SORBS2: variants seen among roughly 807,000 people sequenced by gnomAD.
SORBS2 encodes sorbin and SH3 domain-containing protein 2.
Under a neutral mutation model 97.7 loss-of-function variants are expected in SORBS2, and 46 were observed. That is an observed-to-expected ratio of 0.47 (90% CI 0.37 to 0.60). The LOEUF is 0.60. Among genes scored for constraint, SORBS2 ranks in the 20% least tolerant of loss-of-function variants. The probability of loss-of-function intolerance (pLI) is 0.00; values close to 1 mark genes in which losing one functional copy is unlikely to be tolerated. For missense variants in SORBS2, 1,316 were observed against 1,282.3 expected (o/e 1.03, Z -0.40); for synonymous variants, 476 against 473.4 (o/e 1.01, Z -0.07).
chr4:185,809,455 CA>C (rs55713465), intron 1 of SORBS2, among the ~76,000 whole-genome samples: 681 of 47,132 alleles, frequency 0.014, 1 homozygote, highest in African/African-American at 0.047. Flanking sequence ...ACTGCATTTG[CA>C]AAAAAAAAAA....
intron 1 of SORBS2, among the ~76,000 whole-genome samples, chr4:185,781,582 G>GCCTCCC (rs2099029908): frequency 2.7e-5 from 4 of 147,748 alleles, no homozygotes; most frequent in Non-Finnish European, 6.0e-5. Context: ...CATTGCCTCT[G>GCCTCCC]GCCCCTCCAG....
upstream of SORBS2, chr4:185,657,271 GC>G (rs1186633596): frequency 3.2e-5 from 19 of 599,268 alleles, no homozygotes; most frequent in Middle Eastern, 4.5e-4. Flanking sequence ...TTCTTTCTCT[GC>G]CACACACAGC....
intron 1 of SORBS2, among the ~76,000 whole-genome samples, chr4:185,891,986 C>T (rs1579348756): frequency 6.6e-6 from 1 of 152,250 alleles, no homozygotes; most frequent in Non-Finnish European, 1.5e-5. Context: ...AGGCACACAC[C>T]ACCACACCCA....
chr4:185,623,007 C>T lies in SORBS2; in HGVS notation c.2122G>A (p.Asp708Asn). 1 of 1,614,044 alleles carries T rather than the reference C, an allele frequency of 6.2e-7. No individual in the cohort carries two copies. Residue 708 changes from aspartate to asparagine, a missense_variant, in exon 7 of 15, where the codon GAC becomes AAC. Physicochemically the swap from Asp to Asn is conservative, Grantham distance 23 (BLOSUM62 1). Transcript: ENST00000418609. This position sits in a 1 kb window ranked among gnomAD's most constrained non-coding sequence, Gnocchi z 6.4. ...GCACTGCGGGGCATTCTCCCGCAGT[C>T]ATTCTGGTAGGGTGGACAATGAATA... is the stretch of plus-strand genomic sequence containing the variant.
intron 2 of SORBS2, among the ~76,000 whole-genome samples, 161 bp from the exon 3 acceptor site, chr4:185,734,315 G>A (rs540931968): frequency 1.6e-4 from 25 of 152,214 alleles, no homozygotes; most frequent in African/African-American, 3.1e-4. Context: ...CAAACACCGC[G>A]GAAAGGAAAC....
chr4:185,866,746 C>G (rs80130086), intron 1 of SORBS2, among the ~76,000 whole-genome samples: 1 of 152,128 alleles, frequency 6.6e-6, no homozygotes, highest in African/African-American at 2.4e-5. Flanking sequence ...CAGTAAAACT[C>G]GTAGATTACT....
At chr4:185,892,218 T>C (rs2099242881) in intron 1 of SORBS2, among the ~76,000 whole-genome samples, 1 of 152,216 alleles carries the variant, frequency 6.6e-6, no homozygotes, top group East Asian at 1.9e-4. Flanking sequence ...TTTAAGAAAC[T>C]AACCTGAGTG....
At chr4:185,618,966 G>T (rs563093689) in intron 8 of SORBS2, among the ~76,000 whole-genome samples, 1 of 152,196 alleles carries the variant, frequency 6.6e-6, no homozygotes, top group South Asian at 2.1e-4. Context: ...AAATGTGGAG[G>T]GTCAATGGCT....
chr4:185,927,112 ATAT>A (rs560474338), intron 1 of SORBS2, among the ~76,000 whole-genome samples: 2 of 149,448 alleles, frequency 1.3e-5, no homozygotes, highest in South Asian at 2.1e-4. Context: ...ATATATGTGA[ATAT>A]TATATGTATA....
chr4:185,752,524 C>T (rs989770234), intron 2 of SORBS2, among the ~76,000 whole-genome samples: 3 of 152,190 alleles, frequency 2.0e-5, no homozygotes, highest in Non-Finnish European at 2.9e-5. Flanking sequence ...GATCTGCCCG[C>T]CTCGGCCTCC....
At chr4:185,636,101 C>T (rs910584993) in intron 4 of SORBS2, among the ~76,000 whole-genome samples, 1 of 152,150 alleles carries the variant, frequency 6.6e-6, no homozygotes, top group African/African-American at 2.4e-5. Flanking sequence ...TCAAGTGTTC[C>T]GTCTGCCTCA....
At chr4:185,640,212 A>G (rs1581590092) in intron 4 of SORBS2, among the ~76,000 whole-genome samples, 1 of 152,362 alleles carries the variant, frequency 6.6e-6, no homozygotes, top group East Asian at 1.9e-4. Flanking sequence ...AAGACTGTGT[A>G]GTGTCCCTGG....
chr4:185,681,146 T>G (rs2097860936), intron 2 of SORBS2, among the ~76,000 whole-genome samples: 1 of 152,218 alleles, frequency 6.6e-6, no homozygotes, highest in African/African-American at 2.4e-5. Context: ...AAAGTCTGCC[T>G]TGAAGTGGCT....
Position 185,588,910 on chromosome 4 carries a change from C to T in SORBS2, c.2953+769G>A, listed in dbSNP as rs568002430. ...AATTACAGGCATGAGCCACCGCACC[C>T]GGCCTTTTTTTCTTCTTTTAATGGA... On this transcript the variant is annotated intron_variant, in intron 14 of 14. Transcript: ENST00000418609. Among the ~76,000 whole-genome samples the T allele has an allele frequency of 4.6e-5, 7 of 152,242 alleles. No individual in the cohort carries two copies. In the East Asian group the frequency reaches 9.7e-4, roughly 21 times the overall value.
chr4:185,887,950 GTA>G (rs72311903), intron 1 of SORBS2, among the ~76,000 whole-genome samples: 38,606 of 128,920 alleles, frequency 0.3, 5,364 homozygotes, highest in Non-Finnish European at 0.36. Context: ...TTCTCACATA[GTA>G]TATATATATG....
intron 2 of SORBS2, among the ~76,000 whole-genome samples, chr4:185,697,615 A>C (rs1313008523): frequency 6.6e-6 from 1 of 152,246 alleles, no homozygotes; most frequent in East Asian, 1.9e-4. Context: ...TTTTAAAAAA[A>C]TCATTCTCTT....
chr4:185,856,569 T>C (rs1157197506), intron 1 of SORBS2, among the ~76,000 whole-genome samples: 3 of 152,150 alleles, frequency 2.0e-5, no homozygotes, highest in Non-Finnish European at 2.9e-5. Flanking sequence ...TAAAAAAGGA[T>C]CATAAGTTAA....
Position 185,806,558 on chromosome 4 carries a change from C to T in SORBS2, c.-337-31192G>A, listed in dbSNP as rs940426669. Among the ~76,000 whole-genome samples, 5 of 147,834 alleles carry T rather than the reference C, an allele frequency of 3.4e-5. No homozygotes were observed. In the South Asian group the frequency reaches 6.5e-4, roughly 19 times the overall value. ...CTGCAAGCTCCTCCTCCCGGGTTCA[C>T]GCCATTCTCCTGCCTCAGCCTCCCG... On this transcript the variant is annotated intron_variant, in intron 1 of 20. Coordinates refer to the SORBS2 transcript ENST00000284776.
chr4:185,834,154 G>T (rs2099206645), intron 1 of SORBS2, among the ~76,000 whole-genome samples: 1 of 152,124 alleles, frequency 6.6e-6, no homozygotes, highest in Non-Finnish European at 1.5e-5. Context: ...GGTTTAATTG[G>T]CTTGTGGTTC....
Sources: gnomAD v4.1 joint callset for allele counts (sites outside exome capture counted in the v4.1 genomes callset) on GRCh38, gnomAD v4.1.1 for gene constraint, Gnocchi (gnomAD v3.1) non-coding constraint, MANE v1.5 for transcripts, NCBI Gene and HGNC (gene_info 2026-07-23, HGNC 2026-07-21) for gene names.